LRP1B: variants seen among roughly 807,000 people sequenced by gnomAD.
LRP1B encodes low-density lipoprotein receptor-related protein 1B.
A neutral mutation model predicts 556.6 loss-of-function variants in LRP1B; 217 were observed. The ratio of observed to expected loss-of-function variants is 0.39; its 90% CI spans 0.35 to 0.44. The LOEUF (loss-of-function observed/expected upper bound fraction) is 0.44, where lower values mean the gene tolerates loss of function less well. Ranked by LOEUF, LRP1B falls within the 20% of genes least tolerant of loss-of-function variation. The pLI is 1.00. For synonymous variants in LRP1B, 2,047 were observed against 1,865.8 expected (o/e 1.10, Z -2.50); for missense variants, 5,053 against 5,620.8 (o/e 0.90, Z 3.23).
At chr2:141,422,159 A>T (rs4954907) in intron 3 of LRP1B, among the ~76,000 whole-genome samples, 35,796 of 152,158 alleles carry the variant, frequency 0.24, 4,943 homozygotes, top group Non-Finnish European at 0.32. Flanking sequence ...AGTACCTGTC[A>T]GATACAGTTA....
rs192315570 is a variant in LRP1B, at chr2:141,202,890, C to A, written c.851-14307G>T. On this transcript the variant is annotated intron_variant, in intron 6 of 90. Coordinates refer to ENST00000389484, the MANE Select transcript of LRP1B (RefSeq NM_018557.3). Reference sequence around the variant, plus strand: ...GTTATTGCTCCCCTAACCCCCACCCCCCGACAGGCCCTGGTGTGTGATGCT... The same window carrying A: ...GTTATTGCTCCCCTAACCCCCACCCACCGACAGGCCCTGGTGTGTGATGCT... Among the ~76,000 whole-genome samples the A allele has an allele frequency of 2.3e-3, 350 of 152,194 alleles. 3 individuals are homozygous for A. The highest frequency in any genetic ancestry group is 7.2e-3 in the African/African-American group (301 of 41,538).
chr2:140,799,083 T>C (rs1358003061), intron 32 of LRP1B, among the ~76,000 whole-genome samples: 1 of 152,168 alleles, frequency 6.6e-6, no homozygotes, highest in Non-Finnish European at 1.5e-5. Flanking sequence ...AACGCATATA[T>C]ATGATAAAAG....
intron 18 of LRP1B, among the ~76,000 whole-genome samples, chr2:140,974,056 G>A (rs1300526002): frequency 6.6e-6 from 1 of 152,142 alleles, no homozygotes; most frequent in African/African-American, 2.4e-5. Context: ...GAGTTGCTTG[G>A]ACATGATGGT....
Position 141,096,630 on chromosome 2 carries a change from G to C in LRP1B, c.1014-34357C>G, listed in dbSNP as rs968473718. On this transcript the variant is annotated intron_variant, in intron 7 of 90. Transcript: ENST00000389484. The stretch of plus-strand genomic sequence containing the variant: ...TGAATGACAAAGACGGGGAGAGGGG[G>C]AGAGAGAGAGAGAGAGAGAGAGAGA... Among the ~76,000 whole-genome samples the C allele has an allele frequency of 2.1e-3, 26 of 12,212 alleles. 1 individual carries two copies. The highest frequency in any genetic ancestry group is 3.6e-3 in the Non-Finnish European group (19 of 5,342). The allele number at this position is 12,212 out of a possible 152,430, so 8.0% of individuals were successfully genotyped here.
intron 2 of LRP1B, among the ~76,000 whole-genome samples, chr2:141,522,047 A>G (rs2105175533): frequency 6.6e-6 from 1 of 152,262 alleles, no homozygotes; most frequent in Admixed American, 6.5e-5. Context: ...AAAACAGGGC[A>G]ACAGCATACA....
intron 24 of LRP1B, among the ~76,000 whole-genome samples, chr2:140,885,161 T>C (rs373445865): frequency 1.3e-5 from 2 of 152,188 alleles, no homozygotes; most frequent in African/African-American, 4.8e-5. Context: ...TCTAAATCCA[T>C]CATTTTAAAT....
chr2:140,735,257 C>T (rs989428722), intron 35 of LRP1B, among the ~76,000 whole-genome samples: 1 of 152,044 alleles, frequency 6.6e-6, no homozygotes, highest in African/African-American at 2.4e-5. Flanking sequence ...TGAGTCATGC[C>T]TTTGAAAAAG....
intron 25 of LRP1B, among the ~76,000 whole-genome samples, chr2:140,881,541 A>C (rs954475753): frequency 6.6e-6 from 1 of 151,590 alleles, no homozygotes; most frequent in East Asian, 1.9e-4. Flanking sequence ...AAAATCTGTC[A>C]ACCTTCCAGT....
chr2:141,439,431 A>G (rs1434054965), intron 3 of LRP1B, among the ~76,000 whole-genome samples: 1 of 151,596 alleles, frequency 6.6e-6, no homozygotes, highest in Non-Finnish European at 1.5e-5. Flanking sequence ...TAACTATAAT[A>G]TAATTGAAGA....
intron 1 of LRP1B, among the ~76,000 whole-genome samples, chr2:141,997,624 A>G (rs1702536923): frequency 6.8e-6 from 1 of 146,074 alleles, no homozygotes. Context: ...CTGGGATTAT[A>G]GGCTTGAGCC....
In LRP1B at chr2:141,555,573, G is replaced by A. The variant is rs568925505; in HGVS notation, c.206-75040C>T. ...TTTGGCTAAATTCTTCATAAAAGAAGATTTTTAAAATGTCATCTTGCCTAA... is the reference window on the plus strand; with the variant it reads ...TTTGGCTAAATTCTTCATAAAAGAAAATTTTTAAAATGTCATCTTGCCTAA... On this transcript the variant is annotated intron_variant, in intron 2 of 90. Coordinates refer to ENST00000389484, the MANE Select transcript of LRP1B (RefSeq NM_018557.3). 1.3e-4 allele frequency among the ~76,000 whole-genome samples: 20 copies of A among 151,968 alleles called. 1 individual carries two copies. In the South Asian group the frequency reaches 3.3e-3, roughly 25 times the overall value.
chr2:140,973,701 G>C (rs1348708402), intron 18 of LRP1B, among the ~76,000 whole-genome samples: 1 of 151,908 alleles, frequency 6.6e-6, no homozygotes, highest in Non-Finnish European at 1.5e-5. Flanking sequence ...ATGATCTGTT[G>C]TAAAAAATAC....
At chr2:140,405,352 A>C in intron 66 of LRP1B, among the ~76,000 whole-genome samples, 1 of 152,322 alleles carries the variant, frequency 6.6e-6, no homozygotes, top group Admixed American at 6.5e-5. Context: ...AGAAGAAAAG[A>C]AATAACAAAA....
At chr2:141,785,232 A>G (rs1198338643) in intron 2 of LRP1B, among the ~76,000 whole-genome samples, 2 of 151,976 alleles carry the variant, frequency 1.3e-5, no homozygotes, top group Non-Finnish European at 1.5e-5. Flanking sequence ...CAGAGATGGC[A>G]ATATCATGAA....
At chr2:140,798,587 G>T (rs1160523673) in intron 32 of LRP1B, among the ~76,000 whole-genome samples, 1 of 152,092 alleles carries the variant, frequency 6.6e-6, no homozygotes, top group Non-Finnish European at 1.5e-5. Flanking sequence ...TACAGTGCAG[G>T]TTTCTCAACC....
At chr2:140,411,598 G>A (rs1684971180) in intron 66 of LRP1B, among the ~76,000 whole-genome samples, 1 of 152,042 alleles carries the variant, frequency 6.6e-6, no homozygotes, top group South Asian at 2.1e-4. Context: ...CTGCTAGTTA[G>A]TTGGTGACAA....
intron 1 of LRP1B, among the ~76,000 whole-genome samples, chr2:142,055,609 G>T (rs1248407325): frequency 6.6e-6 from 1 of 152,046 alleles, no homozygotes; most frequent in African/African-American, 2.4e-5. Flanking sequence ...GGGCCTTCAA[G>T]AACTTCCCAT....
chr2:140,723,410 T>C (rs1289757241), intron 35 of LRP1B, among the ~76,000 whole-genome samples: 1 of 152,088 alleles, frequency 6.6e-6, no homozygotes, highest in Non-Finnish European at 1.5e-5. Flanking sequence ...AAGGAAAAAA[T>C]TTTGAAGATG....
In LRP1B at chr2:140,907,887, G is replaced by A. The variant is rs2105231608; in HGVS notation, c.3510C>T (p.Gly1170=). The A allele has an allele frequency of 6.2e-7, 1 of 1,613,366 alleles. No individual in the cohort carries two copies. The highest frequency in any genetic ancestry group is 8.5e-7 in the Non-Finnish European group (1 of 1,179,484). The change falls in exon 22 of 91, where the codon GGC becomes GGT. Residue 1170 remains glycine, a synonymous_variant. Transcript: ENST00000389484. ...TTAAACATGCAATACCACAGAGATAGCCTTCATCAGAGCCATCAGGACAAT... is the reference window on the plus strand; with the variant it reads ...TTAAACATGCAATACCACAGAGATAACCTTCATCAGAGCCATCAGGACAAT... ...KKDCPDGSDE[G]YLCDECSLNN...
Sources: gnomAD v4.1 joint callset for allele counts (sites outside exome capture counted in the v4.1 genomes callset) on GRCh38, gnomAD v4.1.1 for gene constraint, MANE v1.5 for transcripts, NCBI Gene and HGNC (gene_info 2026-07-23, HGNC 2026-07-21) for gene names.